The following COL16A1 variants were observed in gnomAD, a reference collection of about 807,000 sequenced individuals.
COL16A1 encodes collagen type XVI alpha 1 chain, also known as collagen alpha-1(XVI) chain.
Under a neutral mutation model 266.3 loss-of-function variants are expected in COL16A1, and 189 were observed. The observed-to-expected ratio is 0.71, with a 90% CI of 0.63 to 0.80. COL16A1 has a LOEUF of 0.80. Ranked by LOEUF, COL16A1 falls within the 30% of genes least tolerant of loss-of-function variation. The pLI, the probability that COL16A1 is intolerant of heterozygous loss-of-function variation, is 0.00. For missense variants in COL16A1, 1,928 were observed against 2,122.4 expected (o/e 0.91, Z 1.80); for synonymous variants, 740 against 782.3 (o/e 0.95, Z 0.90).
rs1310989910 is a variant in COL16A1 at position 31,697,641 on chromosome 1, TG to T, written c.657+264del. On this transcript the variant is annotated intron_variant, in intron 6 of 70. Coordinates refer to ENST00000373672, the MANE Select transcript of COL16A1 (RefSeq NM_001856.4). The surrounding 1 kb of genome is among the most constrained non-coding windows in gnomAD (Gnocchi z 4.2). ...GGCACGGCAGTGTGAAAGCACTGGG[TG>T]CGCTGGATGGCTAGGATGGAATTGA... Among the ~76,000 whole-genome samples, 2 of 151,932 alleles carry T rather than the reference TG, an allele frequency of 1.3e-5. No individual in the cohort carries two copies. The highest frequency in any genetic ancestry group is 4.8e-5 in the African/African-American group (2 of 41,338).
In COL16A1 at chr1:31,652,481, C is replaced by G; in HGVS notation, c.*170G>C. The G allele has an allele frequency of 7.6e-6, 6 of 785,918 alleles. No individual in the cohort carries two copies. The highest frequency in any genetic ancestry group is 1.1e-5 in the Non-Finnish European group (6 of 558,588). The allele number at this position is 785,918 out of a possible 1,614,324, so 48.7% of individuals were successfully genotyped here. ...CTGGCTGCAGCACCAGAGGAACCCA[C>G]TGGAAGGGAAAGGGCAGATAGTTTT... On this transcript the variant is annotated 3_prime_UTR_variant, in exon 71 of 71. Coordinates refer to ENST00000373672, the MANE Select transcript of COL16A1 (RefSeq NM_001856.4). This position sits in a 1 kb window ranked among gnomAD's most constrained non-coding sequence, Gnocchi z 4.8.
At chr1:31,660,456 C>G in intron 62 of COL16A1, 129 bp downstream of exon 62, 1 of 1,211,360 alleles carries the variant, frequency 8.3e-7, no homozygotes, top group Non-Finnish European at 1.1e-6. Context: ...AAGGAGTGGC[C>G]CCCGTGCTCC....
chr1:31,698,617 A>G lies in COL16A1; in HGVS notation c.267-11T>C, dbSNP rs778574946. On this transcript the variant is annotated splice_polypyrimidine_tract_variant and intron_variant, in intron 4 of 70. Transcript: ENST00000373672. This position sits in a 1 kb window ranked among gnomAD's most constrained non-coding sequence, Gnocchi z 4.1. Reference sequence around the variant, plus strand: ...CGAGGGAATACTCTTCTGGAGATGGAGCAGGGAGGGTGCCCTGAGGCTCCA... The same window carrying G: ...CGAGGGAATACTCTTCTGGAGATGGGGCAGGGAGGGTGCCCTGAGGCTCCA... 3 of 1,613,446 alleles carry G rather than the reference A, an allele frequency of 1.9e-6. No individual in the cohort carries two copies. In the South Asian group the frequency reaches 3.3e-5, roughly 18 times the overall value.
intron 8 of COL16A1, among the ~76,000 whole-genome samples, chr1:31,696,552 G>A (rs1287694511): frequency 1.3e-5 from 2 of 152,248 alleles, no homozygotes; most frequent in Non-Finnish European, 2.9e-5. Flanking sequence ...GGCCCTGGCC[G>A]GCGCTGGGCC....
chr1:31,683,047 C>G (rs1172808420), intron 36 of COL16A1, 45 bp from the exon 37 acceptor site: 6 of 1,612,866 alleles, frequency 3.7e-6, no homozygotes. Flanking sequence ...GAATTGGAAG[C>G]CAGCTACAAC....
chr1:31,698,392 G>T lies in COL16A1; in HGVS notation c.390+91C>A. Reference sequence around the variant, plus strand: ...GGGTAGGCACAGGATGGAGCAGGGAGACCCCAGAAGTCACAAGCCGGGATG... The same window carrying T: ...GGGTAGGCACAGGATGGAGCAGGGATACCCCAGAAGTCACAAGCCGGGATG... On this transcript the variant is annotated intron_variant, in intron 5 of 70. Transcript: ENST00000373672. The surrounding 1 kb of genome is among the most constrained non-coding windows in gnomAD (Gnocchi z 4.1). The T allele has an allele frequency of 6.3e-7, 1 of 1,577,754 alleles. No individual in the cohort carries two copies. Among genetic ancestry groups the T allele is most frequent in the South Asian group, 1.2e-5 (1 of 84,082 alleles).
rs1557685584 is a variant in COL16A1 at position 31,692,517 on chromosome 1, G to A, written c.1159-8C>T. 2 of 1,613,882 alleles carry A rather than the reference G, an allele frequency of 1.2e-6. No individual in the cohort carries two copies. The highest frequency in any genetic ancestry group is 1.3e-5 in the African/African-American group (1 of 74,912). On this transcript the variant is annotated splice_polypyrimidine_tract_variant and splice_region_variant and intron_variant, in intron 15 of 70. Transcript: ENST00000373672. ...TGGGAGTCCTGAGGGTCCCTGAGAT[G>A]AGGAAGGGAGACAGAGGAAGGGAGG...
intron 42 of COL16A1, among the ~76,000 whole-genome samples, chr1:31,677,827 C>A (rs554688969): frequency 2.0e-5 from 3 of 152,328 alleles, no homozygotes; most frequent in African/African-American, 4.8e-5. Flanking sequence ...TAGGTAAGGA[C>A]TCTGGTGCCT....
At chr1:31,666,536 T>C (rs1182834784) in intron 52 of COL16A1, among the ~76,000 whole-genome samples, 3 of 152,152 alleles carry the variant, frequency 2.0e-5, no homozygotes, top group Non-Finnish European at 4.4e-5. Flanking sequence ...TGACACACTC[T>C]ATACCCTCAC....
chr1:31,690,750 A>G (rs1016746710), intron 20 of COL16A1, among the ~76,000 whole-genome samples, 177 bp from the exon 21 acceptor site: 2 of 151,976 alleles, frequency 1.3e-5, no homozygotes, highest in African/African-American at 4.8e-5. Flanking sequence ...AACCCAAGCC[A>G]TTCTAGGTTT....
At chr1:31,660,919 A>G in intron 61 of COL16A1, 147 bp downstream of exon 61, 1 of 933,560 alleles carries the variant, frequency 1.1e-6, no homozygotes, top group Non-Finnish European at 1.6e-6. Flanking sequence ...AAAGTTCAAG[A>G]CGTGCAGTGT....
intron 31 of COL16A1, 60 bp downstream of exon 31, chr1:31,684,463 C>T (rs924929720): frequency 5.7e-6 from 9 of 1,579,402 alleles, no homozygotes; most frequent in Non-Finnish European, 7.7e-6. Flanking sequence ...CTCACTGGTG[C>T]GACACCTGAT....
intron 42 of COL16A1, among the ~76,000 whole-genome samples, chr1:31,677,123 T>C (rs1643257411): frequency 6.6e-6 from 1 of 152,238 alleles, no homozygotes; most frequent in Non-Finnish European, 1.5e-5. Context: ...TATCACTCTG[T>C]CGCCCAGGCT....
chr1:31,685,912 G>A lies in COL16A1; in HGVS notation c.1885-142C>T. The A allele has an allele frequency of 6.7e-7, 1 of 1,501,362 alleles. No homozygotes were observed. Among genetic ancestry groups the A allele is most frequent in the Non-Finnish European group, 9.0e-7 (1 of 1,107,728 alleles). The allele number at this position is 1,501,362 out of a possible 1,614,324, so 93.0% of individuals were successfully genotyped here. ...AGGGGTTATCTTGGGAAAGATGAAG[G>A]GAGAACAGGAAAGAAACAAAGGTGG... On this transcript the variant is annotated intron_variant, in intron 28 of 70. Transcript: ENST00000373672. The surrounding 1 kb of genome is among the most constrained non-coding windows in gnomAD (Gnocchi z 4.0).
At chr1:31,689,018 G>A in intron 24 of COL16A1, 32 bp downstream of exon 24, 1 of 1,614,018 alleles carries the variant, frequency 6.2e-7, no homozygotes. Flanking sequence ...GGTAGGCAGA[G>A]GAGGGCAGCC....
At chr1:31,695,704 T>G in intron 10 of COL16A1, 57 bp downstream of exon 10, 2 of 1,575,222 alleles carry the variant, frequency 1.3e-6, no homozygotes, top group South Asian at 2.2e-5. Flanking sequence ...GCCCAAAGCC[T>G]GGTGCAAAGG....
chr1:31,679,779 G>A (rs371885605), intron 41 of COL16A1, 25 bp downstream of exon 41: 41 of 1,580,608 alleles, frequency 2.6e-5, no homozygotes, highest in Non-Finnish European at 2.7e-5. Context: ...GGGCGCTGGC[G>A]GACAAGAGGA....
At chr1:31,671,477 G>T (rs904266535) in intron 48 of COL16A1, 138 bp downstream of exon 48, 2 of 1,030,564 alleles carry the variant, frequency 1.9e-6, no homozygotes, top group Non-Finnish European at 1.5e-6. Context: ...GATGCTCTGC[G>T]GAGGGATGGG....
At chr1:31,659,502 T>C (rs533754896) in intron 62 of COL16A1, among the ~76,000 whole-genome samples, 54 of 152,272 alleles carry the variant, frequency 3.5e-4, no homozygotes, top group Non-Finnish European at 5.9e-4. Flanking sequence ...GCTGCTGCAC[T>C]AGGGCTGCGT....
Sources: gnomAD v4.1 joint callset for allele counts (sites outside exome capture counted in the v4.1 genomes callset) on GRCh38, gnomAD v4.1.1 for gene constraint, Gnocchi (gnomAD v3.1) non-coding constraint, MANE v1.5 for transcripts, NCBI Gene and HGNC (gene_info 2026-07-23, HGNC 2026-07-21) for gene names.